KCNG3: variants seen among roughly 807,000 people sequenced by gnomAD.
KCNG3 encodes potassium voltage-gated channel modifier subfamily G member 3, also known as voltage-gated potassium channel regulatory subunit KCNG3.
Under a neutral mutation model 29.0 loss-of-function variants are expected in KCNG3, and 15 were observed. The ratio of observed to expected loss-of-function variants is 0.52; its 90% CI spans 0.35 to 0.80. KCNG3 has a LOEUF of 0.80. Among genes scored for constraint, KCNG3 ranks in the 30% least tolerant of loss-of-function variants. The pLI is 0.01. For missense variants in KCNG3, 512 were observed against 605.7 expected (o/e 0.85, Z 1.62); for synonymous variants, 322 against 248.9 (o/e 1.29, Z -2.76).
chr2:42,473,067 A>T (rs1037602654), intron 1 of KCNG3, among the ~76,000 whole-genome samples: 9 of 150,606 alleles, frequency 6.0e-5, no homozygotes, highest in African/African-American at 2.0e-4. Context: ...ACGCCCGGCT[A>T]ATCTATTTTT....
the KCNG3 span, among the ~76,000 whole-genome samples, chr2:42,423,274 A>C: frequency 1.3e-5 from 2 of 152,176 alleles, no homozygotes; most frequent in African/African-American, 2.4e-5. Flanking sequence ...GTAATTCCCT[A>C]ATGGGTCCCA....
At chr2:42,448,133 C>T (rs533443531) in intron 1 of KCNG3, among the ~76,000 whole-genome samples, 12 of 152,268 alleles carry the variant, frequency 7.9e-5, no homozygotes, top group African/African-American at 7.2e-5. Flanking sequence ...ACATGTTTAA[C>T]GGCCTGCTCT....
the KCNG3 span, among the ~76,000 whole-genome samples, chr2:42,435,139 C>T: frequency 1.3e-5 from 2 of 152,062 alleles, no homozygotes; most frequent in Non-Finnish European, 2.9e-5. Flanking sequence ...CCTGTCTCTA[C>T]TAAAAATGCA....
At chr2:42,438,590 TA>T (rs1382166598), downstream of KCNG3, among the ~76,000 whole-genome samples, 2 of 152,210 alleles carry the variant, frequency 1.3e-5, no homozygotes, top group African/African-American at 4.8e-5. Context: ...TGTATTTGTT[TA>T]AATTACAGCA....
chr2:42,491,359 A>G (rs1220594787), intron 1 of KCNG3, among the ~76,000 whole-genome samples: 1 of 152,172 alleles, frequency 6.6e-6, no homozygotes, highest in Non-Finnish European at 1.5e-5. Context: ...ATACTGGTTC[A>G]GTCAACTCCC....
At chr2:42,477,286 C>T (rs1302221521) in intron 1 of KCNG3, among the ~76,000 whole-genome samples, 2 of 150,532 alleles carry the variant, frequency 1.3e-5, no homozygotes, top group Non-Finnish European at 2.9e-5. Context: ...TACTCTTATG[C>T]TTAAAGGCAG....
chr2:42,395,415 G>A, the KCNG3 span, among the ~76,000 whole-genome samples: 2 of 152,208 alleles, frequency 1.3e-5, no homozygotes, highest in Non-Finnish European at 2.9e-5. Context: ...TTAAGAAGGA[G>A]TTGGGGCCAG....
chr2:42,469,002 A>G (rs961822811), intron 1 of KCNG3, among the ~76,000 whole-genome samples: 6 of 151,730 alleles, frequency 4.0e-5, no homozygotes, highest in Non-Finnish European at 7.4e-5. Context: ...CTAAATCCAT[A>G]AATTTAATGC....
the KCNG3 span, among the ~76,000 whole-genome samples, chr2:42,430,867 T>C: frequency 6.6e-6 from 1 of 152,250 alleles, no homozygotes; most frequent in East Asian, 1.9e-4. Context: ...CCCAGAACTT[T>C]GGGAGGCTGA....
intron 1 of KCNG3, among the ~76,000 whole-genome samples, chr2:42,484,041 C>G (rs959629285): frequency 8.5e-5 from 13 of 152,160 alleles, no homozygotes; most frequent in African/African-American, 3.1e-4. Context: ...CCTCAGGCCT[C>G]CTAAAGTGCT....
chr2:42,475,825 G>A (rs1469621515), intron 1 of KCNG3, among the ~76,000 whole-genome samples: 1 of 152,142 alleles, frequency 6.6e-6, no homozygotes, highest in African/African-American at 2.4e-5. Context: ...AGCACTTAAG[G>A]AAGCCAAGGT....
At chr2:42,397,243 T>G in the KCNG3 span, among the ~76,000 whole-genome samples, 6 of 135,922 alleles carry the variant, frequency 4.4e-5, no homozygotes, top group African/African-American at 1.7e-4. Flanking sequence ...AAACTCCATC[T>G]CAAAAAAAAA....
the KCNG3 span, among the ~76,000 whole-genome samples, chr2:42,422,171 T>C: frequency 1.1e-4 from 17 of 152,266 alleles, no homozygotes; most frequent in Non-Finnish European, 2.2e-4. Context: ...CCAAAGTTTA[T>C]GTGTTGGAAA....
At chr2:42,428,456 CG>C in the KCNG3 span, among the ~76,000 whole-genome samples, 2,234 of 59,028 alleles carry the variant, frequency 0.038, 110 homozygotes, top group African/African-American at 0.13. Context: ...GACCCGGTCT[CG>C]GGAAAAAAAA....
chr2:42,479,987 G>A (rs1673541616), intron 1 of KCNG3, among the ~76,000 whole-genome samples: 2 of 152,218 alleles, frequency 1.3e-5, no homozygotes, highest in Admixed American at 1.3e-4. Flanking sequence ...TTGCACTCCA[G>A]CCTGGGTGAC....
At position 42,493,924 on chromosome 2, in the gene KCNG3, T is replaced by G; in HGVS notation, c.-423A>C. The G allele has an allele frequency of 6.4e-6, 1 of 155,456 alleles. No individual in the cohort carries two copies. The highest frequency in any genetic ancestry group is 1.4e-5 in the Non-Finnish European group (1 of 70,646). The allele number at this position is 155,456 out of a possible 1,614,324, so 9.6% of individuals were successfully genotyped here. ...CGGAATAGCTCCCCGTCTCCGGCGCTCCCTGCGGCCGCGAATCCGGCGGCC... is the reference window on the plus strand; with the variant it reads ...CGGAATAGCTCCCCGTCTCCGGCGCGCCCTGCGGCCGCGAATCCGGCGGCC... On this transcript the variant is annotated 5_prime_UTR_variant, in exon 1 of 2. Transcript: ENST00000306078.
At chr2:42,465,833 C>A (rs1019160486) in intron 1 of KCNG3, among the ~76,000 whole-genome samples, 1 of 152,084 alleles carries the variant, frequency 6.6e-6, no homozygotes, top group Non-Finnish European at 1.5e-5. Flanking sequence ...AAACATTTCA[C>A]ATAATAAATT....
At chr2:42,465,003 T>G (rs1673105305) in intron 1 of KCNG3, among the ~76,000 whole-genome samples, 2 of 152,154 alleles carry the variant, frequency 1.3e-5, no homozygotes, top group Admixed American at 6.5e-5. Flanking sequence ...TACAAAAAAT[T>G]TAATCATTAG....
the KCNG3 span, among the ~76,000 whole-genome samples, chr2:42,425,465 G>A: frequency 1.3e-4 from 19 of 151,726 alleles, no homozygotes; most frequent in Admixed American, 1.2e-3. Flanking sequence ...GCGGGGTGTA[G>A]AGTGTGGGCA....
Sources: gnomAD v4.1 joint callset for allele counts (sites outside exome capture counted in the v4.1 genomes callset) on GRCh38, gnomAD v4.1.1 for gene constraint, MANE v1.5 for transcripts, NCBI Gene and HGNC (gene_info 2026-07-23, HGNC 2026-07-21) for gene names.